LEPR: variants seen among roughly 807,000 people sequenced by gnomAD.
The protein encoded by LEPR is OB receptor.
In LEPR, 56 loss-of-function variants were observed where a neutral mutation model predicts 114.7. That is an observed-to-expected ratio of 0.49 (90% CI 0.39 to 0.61). The LOEUF (loss-of-function observed/expected upper bound fraction) is 0.61, where lower values mean the gene tolerates loss of function less well. LEPR is among the 20% of genes least tolerant of loss of function. LEPR has a pLI of 0.00. For synonymous variants in LEPR, 443 were observed against 461.4 expected (o/e 0.96, Z 0.51); for missense variants, 1,202 against 1,352.9 (o/e 0.89, Z 1.75).
chr1:65,507,090 G>A (rs1183353536), intron 2 of LEPR, among the ~76,000 whole-genome samples: 1 of 151,926 alleles, frequency 6.6e-6, no homozygotes, highest in Non-Finnish European at 1.5e-5. Context: ...TTGCTCTATC[G>A]CCCAGGCTGG....
chr1:65,478,174 C>T (rs1647179200), intron 2 of LEPR, among the ~76,000 whole-genome samples: 1 of 152,128 alleles, frequency 6.6e-6, no homozygotes, highest in Admixed American at 6.5e-5. Flanking sequence ...AAGAGGAAGA[C>T]CAAGTTTAGT....
intron 2 of LEPR, among the ~76,000 whole-genome samples, chr1:65,510,365 G>A (rs1648967354): frequency 6.6e-6 from 1 of 152,158 alleles, no homozygotes; most frequent in South Asian, 2.1e-4. Context: ...GAGATCCTTA[G>A]GTAACTCACA....
chr1:65,626,043 C>T, intron 19 of LEPR: 2 of 1,312,662 alleles, frequency 1.5e-6, no homozygotes, highest in African/African-American at 1.5e-5. Flanking sequence ...TCTCAGTGTT[C>T]AGGAGGGCCA....
intron 2 of LEPR, among the ~76,000 whole-genome samples, chr1:65,512,773 A>T (rs1023963675): frequency 6.6e-6 from 1 of 152,164 alleles, no homozygotes; most frequent in Non-Finnish European, 1.5e-5. Context: ...AGGAAAAGAA[A>T]TGGGAGCCTG....
Position 65,434,311 on chromosome 1 carries a change from A to G in LEPR, c.-21+8933A>G, listed in dbSNP as rs1300164657. The G allele has an allele frequency of 1.7e-5, 17 of 984,636 alleles. No individual in the cohort carries two copies. In the Admixed American group the frequency reaches 4.3e-4, roughly 25 times the overall value. 61.0% of individuals were successfully genotyped at this position (984,636 alleles called of 1,614,324 possible). ...ACAAATGTTGGACATTTTTTTCCTTATAAAAGGCTCTTTTTTTATATATTG... is the reference window on the plus strand; with the variant it reads ...ACAAATGTTGGACATTTTTTTCCTTGTAAAAGGCTCTTTTTTTATATATTG... On this transcript the variant is annotated intron_variant, in intron 2 of 19. Transcript: ENST00000349533.
intron 2 of LEPR, 64 bp from the exon 3 acceptor site, chr1:65,565,482 G>T: frequency 6.6e-7 from 1 of 1,519,220 alleles, no homozygotes; most frequent in South Asian, 1.1e-5. Flanking sequence ...GTTTTCCACA[G>T]ACAACTTATA....
At chr1:65,485,285 G>A (rs902232256) in intron 2 of LEPR, among the ~76,000 whole-genome samples, 2 of 152,132 alleles carry the variant, frequency 1.3e-5, no homozygotes, top group South Asian at 2.1e-4. Context: ...TACAACTAAC[G>A]TATCTTGAAT....
At chr1:65,453,209 G>A (rs1646814036) in intron 2 of LEPR, among the ~76,000 whole-genome samples, 2 of 151,728 alleles carry the variant, frequency 1.3e-5, no homozygotes, top group African/African-American at 2.4e-5. Context: ...TATCAATTTT[G>A]TTGATCCTTT....
At chr1:65,635,327 A>G (rs1342528801) in intron 19 of LEPR, 1 of 983,640 alleles carries the variant, frequency 1.0e-6, no homozygotes, top group African/African-American at 1.7e-5. Flanking sequence ...ATGTGTTTAC[A>G]TTGTATGAAT....
intron 2 of LEPR, among the ~76,000 whole-genome samples, chr1:65,553,819 C>T (rs1014742687): frequency 6.6e-6 from 1 of 152,094 alleles, no homozygotes; most frequent in Non-Finnish European, 1.5e-5. Flanking sequence ...TCTTTGTGCT[C>T]GTTTTTCCTC....
At position 65,425,336 on chromosome 1, in the gene LEPR, GA is replaced by G; in HGVS notation, c.-62del. ...GCATTATCCTTCAGTGGGGCTATTG[GA>G]CTGACTTTTCTTATGCTGGGATGTG... On this transcript the variant is annotated 5_prime_UTR_variant, in exon 2 of 20. The change creates a premature stop within an existing upstream ORF in the 5' untranslated region. Transcript: ENST00000349533. 6.2e-7 allele frequency: 1 copy of G among 1,607,836 alleles called. No individual in the cohort carries two copies. Among genetic ancestry groups the G allele is most frequent in the Non-Finnish European group, 8.5e-7 (1 of 1,178,672 alleles).
At chr1:65,551,664 A>T (rs979180738) in intron 2 of LEPR, among the ~76,000 whole-genome samples, 1 of 152,016 alleles carries the variant, frequency 6.6e-6, no homozygotes, top group African/African-American at 2.4e-5. Flanking sequence ...CAGCTCCTGG[A>T]TTCACTGAGT....
chr1:65,438,432 C>T (rs1379091519), intron 2 of LEPR, among the ~76,000 whole-genome samples: 1 of 151,646 alleles, frequency 6.6e-6, no homozygotes, highest in African/African-American at 2.4e-5. Context: ...CGCGTGTAGT[C>T]CCAGCTACTC....
chr1:65,572,290 G>GTTTTTTTTTTT, intron 4 of LEPR, 36 bp from the exon 5 acceptor site: 11 of 798,580 alleles, frequency 1.4e-5, no homozygotes, highest in Non-Finnish European at 1.8e-5. Flanking sequence ...TCATGTAGTT[G>GTTTTTTTTTTT]TTTTTTTTTT....
At chr1:65,437,594 G>A (rs1027274827) in intron 2 of LEPR, among the ~76,000 whole-genome samples, 2 of 151,772 alleles carry the variant, frequency 1.3e-5, no homozygotes, top group East Asian at 2.0e-4. Flanking sequence ...GCAGTGAGCC[G>A]AGATCGCGCC....
At chr1:65,435,090 T>C (rs1182761302) in intron 2 of LEPR, 2 of 985,318 alleles carry the variant, frequency 2.0e-6, no homozygotes, top group Non-Finnish European at 2.4e-6. Flanking sequence ...CAGCAGCTTA[T>C]AGAAGGATAG....
intron 2 of LEPR, among the ~76,000 whole-genome samples, chr1:65,448,823 T>A (rs1646744257): frequency 6.6e-6 from 1 of 152,246 alleles, no homozygotes; most frequent in Admixed American, 6.5e-5. Flanking sequence ...AAGTTGTTCA[T>A]AGTTGTCCAT....
chr1:65,442,527 CTG>C (rs1374938198), intron 2 of LEPR, among the ~76,000 whole-genome samples: 1 of 152,206 alleles, frequency 6.6e-6, no homozygotes, highest in Admixed American at 6.5e-5. Flanking sequence ...TCTCTTGAGA[CTG>C]TACCTTGGGC....
intron 2 of LEPR, among the ~76,000 whole-genome samples, chr1:65,544,923 A>G (rs1355720184): frequency 4.0e-5 from 6 of 150,354 alleles, no homozygotes; most frequent in Non-Finnish European, 8.9e-5. Context: ...GTCATTTAGC[A>G]TTAGGTATAT....
Sources: allele counts gnomAD v4.1 joint callset (sites outside exome capture counted in the v4.1 genomes callset), GRCh38; gene constraint gnomAD v4.1.1; transcripts MANE v1.5; gene names NCBI Gene and HGNC (gene_info 2026-07-23, HGNC 2026-07-21).